TMC2: variants seen among roughly 807,000 people sequenced by gnomAD.
TMC2 encodes the protein transmembrane channel like 2, also known as transmembrane channel-like protein 2.
In TMC2, 102 loss-of-function variants were observed where a neutral mutation model predicts 105.9. The ratio of observed to expected loss-of-function variants is 0.96; its 90% CI spans 0.82 to 1.14. TMC2 has a LOEUF of 1.14. Among genes scored for constraint, TMC2 ranks in the 50% most tolerant of loss-of-function variants. TMC2 has a pLI of 0.00. For missense variants in TMC2, 1,093 were observed against 1,134.3 expected (o/e 0.96, Z 0.52); for synonymous variants, 402 against 422.8 (o/e 0.95, Z 0.60).
chr20:2,631,082 A>G lies in TMC2; in HGVS notation c.2307-4844A>G, dbSNP rs75285831. ...TTTTAGTTCCCACGTCATTTCTCTA[A>G]CTATATTTTGTTTTAGTTATTTTCT... On this transcript the variant is annotated intron_variant, in intron 17 of 19. Coordinates refer to ENST00000358864, the MANE Select transcript of TMC2 (RefSeq NM_080751.3). Among the ~76,000 whole-genome samples, 1,152 of 152,004 alleles carry G rather than the reference A, an allele frequency of 7.6e-3. 21 individuals are homozygous for G. The highest frequency in any genetic ancestry group is 0.027 in the African/African-American group (1,109 of 41,464).
chr20:2,573,639 C>T (rs182850354), intron 5 of TMC2, among the ~76,000 whole-genome samples: 85 of 147,916 alleles, frequency 5.7e-4, no homozygotes, highest in South Asian at 1.5e-3. Context: ...CGGCTCACTG[C>T]GAGCTCTGCC....
At chr20:2,575,473 G>A (rs948875439) in intron 5 of TMC2, among the ~76,000 whole-genome samples, 2 of 152,048 alleles carry the variant, frequency 1.3e-5, no homozygotes, top group Admixed American at 6.6e-5. Flanking sequence ...AATCTATTGG[G>A]TAAAAAAATA....
intron 5 of TMC2, among the ~76,000 whole-genome samples, chr20:2,575,022 G>A (rs115049360): frequency 0.021 from 3,191 of 152,038 alleles, 111 homozygotes; most frequent in African/African-American, 0.071. Flanking sequence ...CACCATGCCC[G>A]GACTCAATCT....
At chr20:2,627,425 CAG>C (rs2086572589) in intron 17 of TMC2, among the ~76,000 whole-genome samples, 1 of 152,214 alleles carries the variant, frequency 6.6e-6, no homozygotes, top group South Asian at 2.1e-4. Context: ...AATTTGTACA[CAG>C]AGTTTGGCTT....
chr20:2,617,401 G>T, intron 16 of TMC2, 90 bp downstream of exon 16: 3 of 1,534,060 alleles, frequency 2.0e-6, no homozygotes, highest in Non-Finnish European at 1.8e-6. Context: ...CTGGTTTCAT[G>T]CCAGCCTGTA....
At chr20:2,605,748 T>C (rs1227150268) in intron 11 of TMC2, among the ~76,000 whole-genome samples, 2 of 152,136 alleles carry the variant, frequency 1.3e-5, no homozygotes, top group Admixed American at 6.5e-5. Flanking sequence ...TAAATAGACC[T>C]CACCACCCCT....
At chr20:2,578,608 A>G (rs2086164168) in intron 5 of TMC2, among the ~76,000 whole-genome samples, 1 of 152,184 alleles carries the variant, frequency 6.6e-6, no homozygotes, top group Non-Finnish European at 1.5e-5. Context: ...GACTCTTTTC[A>G]GAAAAGCGAG....
In TMC2 at chr20:2,617,286, C is replaced by G; in HGVS notation, c.2155C>G (p.Pro719Ala). ...PVAYTIMSLP[P>A]SFDCGPFSGK... ...GGCCTACACCATCATGTCCCTCCCA[C>G]CCTCCTTTGACTGCGGGCCGTTCAG... is the stretch of plus-strand genomic sequence containing the variant. Residue 719 changes from proline (P) to alanine (A), a missense_variant, in exon 16 of 20, where the codon CCC becomes GCC. By Grantham distance (27) the Pro-to-Ala change is conservative. Coordinates refer to ENST00000358864, the MANE Select transcript of TMC2 (RefSeq NM_080751.3). 6.2e-7 allele frequency: 1 copy of G among 1,614,230 alleles called. No homozygotes were observed. The highest frequency in any genetic ancestry group is 8.5e-7 in the Non-Finnish European group (1 of 1,180,042).
chr20:2,618,890 C>T (rs922740818), intron 16 of TMC2, among the ~76,000 whole-genome samples: 7 of 152,178 alleles, frequency 4.6e-5, no homozygotes, highest in African/African-American at 1.4e-4. Context: ...CTAGTGTCTC[C>T]GTCCTTATTG....
Position 2,616,935 on chromosome 20 carries a change from G to T in TMC2, c.1941-137G>T. 1.1e-6 allele frequency: 1 copy of T among 880,390 alleles called. No homozygotes were observed. Among genetic ancestry groups the T allele is most frequent in the Non-Finnish European group, 1.7e-6 (1 of 574,684 alleles). 54.5% of individuals were successfully genotyped at this position (880,390 alleles called of 1,614,324 possible). On this transcript the variant is annotated intron_variant, in intron 15 of 19. Transcript: ENST00000358864. This position sits in a 1 kb window ranked among gnomAD's most constrained non-coding sequence, Gnocchi z 4.8. ...TGATCGATATTCTGGTTAAATGGGA[G>T]GCCCCTTACCTGGGGACTTGCCAGG...
chr20:2,578,122 G>T (rs1026909642), intron 5 of TMC2, among the ~76,000 whole-genome samples: 1 of 152,004 alleles, frequency 6.6e-6, no homozygotes. Flanking sequence ...GGAGTTCAAG[G>T]CCTGCCTGGC....
chr20:2,554,255 A>G (rs2122817155), intron 2 of TMC2, among the ~76,000 whole-genome samples: 1 of 152,222 alleles, frequency 6.6e-6, no homozygotes, highest in South Asian at 2.1e-4. Flanking sequence ...TGATATTAAT[A>G]ATTTATGTCT....
At chr20:2,635,875 T>C (rs752556830) in intron 17 of TMC2, 51 bp from the exon 18 acceptor site, 21 of 1,487,532 alleles carry the variant, frequency 1.4e-5, no homozygotes, top group African/African-American at 4.1e-5. Flanking sequence ...GCCCAGCTCC[T>C]ATCATCTGCC....
chr20:2,559,416 G>A (rs2086009834), intron 3 of TMC2, among the ~76,000 whole-genome samples: 1 of 152,170 alleles, frequency 6.6e-6, no homozygotes, highest in Non-Finnish European at 1.5e-5. Context: ...ATCAGAAAGT[G>A]AAGATTTGGG....
chr20:2,617,134 T>G lies in TMC2; in HGVS notation c.2003T>G (p.Met668Arg). ...GINVLRLLTSMYFQCWAVMSS... is the reference protein window; with the variant it reads ...GINVLRLLTSRYFQCWAVMSS... Reference sequence around the variant, plus strand: ...AATGTGCTGCGCCTGCTGACCTCCATGTACTTCCAGTGCTGGGCGGTGATG... The same window carrying G: ...AATGTGCTGCGCCTGCTGACCTCCAGGTACTTCCAGTGCTGGGCGGTGATG... The change falls in exon 16 of 20, where the codon ATG (methionine) becomes AGG (arginine). Residue 668 changes from methionine to arginine, a missense_variant. Coordinates refer to ENST00000358864, the MANE Select transcript of TMC2 (RefSeq NM_080751.3). 6.2e-7 allele frequency: 1 copy of G among 1,614,162 alleles called. No individual in the cohort carries two copies. The highest frequency in any genetic ancestry group is 1.3e-5 in the African/African-American group (1 of 75,040).
intron 4 of TMC2, among the ~76,000 whole-genome samples, chr20:2,571,937 A>G (rs2086106293): frequency 6.6e-6 from 1 of 152,250 alleles, no homozygotes; most frequent in Non-Finnish European, 1.5e-5. Context: ...ACACCACCAG[A>G]CGAAGGTCAC....
chr20:2,570,515 CA>C (rs375086454), intron 4 of TMC2, among the ~76,000 whole-genome samples: 5 of 149,932 alleles, frequency 3.3e-5, no homozygotes. Context: ...TAGGTAATAC[CA>C]AAAAAAAATC....
intron 7 of TMC2, among the ~76,000 whole-genome samples, chr20:2,580,283 T>G (rs750758282): frequency 1.9e-4 from 29 of 152,204 alleles, no homozygotes. Flanking sequence ...AAATTAAAAG[T>G]AATGGCAAAA....
At chr20:2,576,941 C>A (rs1212360184) in intron 5 of TMC2, among the ~76,000 whole-genome samples, 17 of 138,848 alleles carry the variant, frequency 1.2e-4, no homozygotes, top group Non-Finnish European at 2.3e-4. Flanking sequence ...TGGAGTCTCG[C>A]TCTGTCACCC....
Sources: gnomAD v4.1 joint callset for allele counts (sites outside exome capture counted in the v4.1 genomes callset) on GRCh38, gnomAD v4.1.1 for gene constraint, Gnocchi (gnomAD v3.1) non-coding constraint, MANE v1.5 for transcripts, NCBI Gene and HGNC (gene_info 2026-07-23, HGNC 2026-07-21) for gene names.